Variants in CHGB observed in about 807,000 individuals in gnomAD.
The protein encoded by CHGB is chromogranin B.
Under a neutral mutation model 69.9 loss-of-function variants are expected in CHGB, and 46 were observed. The observed-to-expected ratio is 0.66, with a 90% CI of 0.52 to 0.84. CHGB has a LOEUF of 0.84. CHGB is among the 40% of genes least tolerant of loss of function. The probability of loss-of-function intolerance (pLI) is 0.00; values close to 1 mark genes in which losing one functional copy is unlikely to be tolerated. For synonymous variants in CHGB, 312 were observed against 298.2 expected (o/e 1.05, Z -0.48); for missense variants, 796 against 822.2 (o/e 0.97, Z 0.39).
chr20:5,918,262 A>G (rs1042367768), intron 3 of CHGB, among the ~76,000 whole-genome samples: 2 of 151,772 alleles, frequency 1.3e-5, no homozygotes, highest in Non-Finnish European at 2.9e-5. Flanking sequence ...GGCGCCTGTA[A>G]TCCCAGCTAC....
Position 5,911,795 on chromosome 20 carries a change from A to G in CHGB, c.49+113A>G, listed in dbSNP as rs924749131. 8 of 1,004,594 alleles carry G rather than the reference A, an allele frequency of 8.0e-6. No individual in the cohort carries two copies. In the South Asian group the frequency reaches 1.6e-4, roughly 20 times the overall value. The allele number at this position is 1,004,594 out of a possible 1,614,324, so 62.2% of individuals were successfully genotyped here. On this transcript the variant is annotated intron_variant, in intron 1 of 4. Transcript: ENST00000378961. The stretch of plus-strand genomic sequence containing the variant: ...CGGGAGAGAGGGAGGGTTGAGGGGA[A>G]GGTTTACCTCTTGCTTCGTTTCTTC...
Position 5,923,434 on chromosome 20 carries a change from C to T in CHGB, c.1290C>T (p.Phe430=), listed in dbSNP as rs267606033. 7 of 1,614,014 alleles carry T rather than the reference C, an allele frequency of 4.3e-6. No homozygotes were observed. The highest frequency in any genetic ancestry group is 1.6e-4 in the Middle Eastern group (1 of 6,084). ...GGGGAGGGGAGCCACGTGCCTATTT[C>T]ATGTCTGACACCAGAGAAGAGAAAA... ...RGRGGEPRAY[F]MSDTREEKRF... The change falls in exon 4 of 5, where the codon TTC becomes TTT. Residue 430 remains phenylalanine (F), a synonymous_variant. Coordinates refer to ENST00000378961, the MANE Select transcript of CHGB (RefSeq NM_001819.3).
At chr20:5,912,997 A>T (rs985940258) in intron 1 of CHGB, among the ~76,000 whole-genome samples, 35 of 152,232 alleles carry the variant, frequency 2.3e-4, no homozygotes, top group African/African-American at 8.4e-4. Flanking sequence ...AAATCAAATG[A>T]ATATTTATAA....
At chr20:5,924,702 A>G (rs1392689309) in intron 4 of CHGB, among the ~76,000 whole-genome samples, 1 of 152,154 alleles carries the variant, frequency 6.6e-6, no homozygotes, top group Non-Finnish European at 1.5e-5. Flanking sequence ...GTGCTTCTCA[A>G]AGTTGAATGT....
intron 3 of CHGB, among the ~76,000 whole-genome samples, chr20:5,921,369 C>T (rs2088512945): frequency 6.6e-6 from 1 of 152,182 alleles, no homozygotes; most frequent in African/African-American, 2.4e-5. Flanking sequence ...TGTCAGTGGC[C>T]TTGGCTTCAG....
At chr20:5,911,759 C>G in intron 1 of CHGB, 77 bp downstream of exon 1, 5 of 1,291,074 alleles carry the variant, frequency 3.9e-6, no homozygotes, top group African/African-American at 1.6e-5. Context: ...CGCAGCCAGG[C>G]TGGCGGATCC....
chr20:5,923,312 C>A lies in CHGB; in HGVS notation c.1168C>A (p.Pro390Thr), dbSNP rs2088528440. 1.2e-6 allele frequency: 2 copies of A among 1,613,454 alleles called. No homozygotes were observed. Among genetic ancestry groups the A allele is most frequent in the African/African-American group, 1.3e-5 (1 of 74,866 alleles). The change falls in exon 4 of 5, where the codon CCC (proline) becomes ACC (threonine). Residue 390 changes from proline to threonine, a missense_variant. By Grantham distance (38) the Pro-to-Thr change is conservative (BLOSUM62 -1). Around this residue, in one of 3 missense-constraint regions of CHGB, gnomAD observed 518 missense variants for 506.3 expected, o/e 1.02. Coordinates refer to ENST00000378961, the MANE Select transcript of CHGB (RefSeq NM_001819.3). ...SWDEEDKRNY[P>T]SLELDKMAHG... ...GGATGAGGAGGACAAGAGAAACTAC[C>A]CCAGCTTAGAGCTTGATAAGATGGC...
chr20:5,918,089 G>C (rs1474328611), intron 3 of CHGB: 2 of 50,784 alleles, frequency 3.9e-5, no homozygotes, highest in Admixed American at 1.9e-4. Flanking sequence ...AGAGACTGCA[G>C]TGAGCCAAGA....
chr20:5,919,235 T>C (rs1475092898), intron 3 of CHGB, among the ~76,000 whole-genome samples: 5 of 152,244 alleles, frequency 3.3e-5, no homozygotes, highest in Non-Finnish European at 5.9e-5. Flanking sequence ...ATAGTAACTC[T>C]AGCCTCTGCT....
intron 3 of CHGB, among the ~76,000 whole-genome samples, chr20:5,920,909 A>G (rs1242737938): frequency 2.0e-5 from 3 of 152,278 alleles, no homozygotes; most frequent in African/African-American, 7.2e-5. Context: ...AGAGAGGTAC[A>G]GAGAGTCCAC....
Position 5,918,162 on chromosome 20 carries a change from A to AAAAAAAACAAAC in CHGB, c.190+1250_190+1251insCAAACAAAAAAA, listed in dbSNP as rs1568550371. On this transcript the variant is annotated intron_variant, in intron 3 of 4. Coordinates refer to ENST00000378961, the MANE Select transcript of CHGB (RefSeq NM_001819.3). ...AAGACTCCATCTAAAAAAAAAAAAA[A>AAAAAAAACAAAC]AAAAAAAAACTCTCATTGCCACCAG... 2.7e-5 allele frequency among the ~76,000 whole-genome samples: 4 copies of AAAAAAAACAAAC among 149,326 alleles called. No homozygotes were observed. The East Asian group carries it at 7.8e-4, about 29-fold the overall frequency.
In CHGB at chr20:5,925,062, C is replaced by A; in HGVS notation, c.*13C>A. On this transcript the variant is annotated 3_prime_UTR_variant, in exon 5 of 5. Coordinates refer to ENST00000378961, the MANE Select transcript of CHGB (RefSeq NM_001819.3). ...CCAAAGGGGCTGACTGTCATTGGAG[C>A]GGTGGGCACTGTTAAGAAGCAGCCA... 1.3e-6 allele frequency: 2 copies of A among 1,588,140 alleles called. No homozygotes were observed. Among genetic ancestry groups the A allele is most frequent in the Non-Finnish European group, 8.6e-7 (1 of 1,158,290 alleles).
chr20:5,913,531 C>T (rs2088457784), intron 1 of CHGB, among the ~76,000 whole-genome samples: 2 of 152,116 alleles, frequency 1.3e-5, no homozygotes, highest in South Asian at 4.1e-4. Context: ...AGCTATTGTG[C>T]ACTCTAAAAA....
Position 5,923,715 on chromosome 20 carries a change from C to G in CHGB, c.1571C>G (p.Pro524Arg). 6.2e-7 allele frequency: 1 copy of G among 1,614,124 alleles called. No individual in the cohort carries two copies. Among genetic ancestry groups the G allele is most frequent in the Non-Finnish European group, 8.5e-7 (1 of 1,180,018 alleles). The stretch of plus-strand genomic sequence containing the variant: ...AAGAGATTAGGGGAACTGTTCAACC[C>G]ATACTACGACCCTCTCCAGTGGAAG... Reference protein sequence around the residue: ...KRKRLGELFNPYYDPLQWKSS... With the variant: ...KRKRLGELFNRYYDPLQWKSS... Residue 524 changes from proline (P) to arginine (R), a missense_variant, in exon 4 of 5, where the codon CCA becomes CGA. Physicochemically the swap from Pro to Arg is moderately radical, Grantham distance 103. Transcript: ENST00000378961.
chr20:5,924,471 G>A (rs2088538144), intron 4 of CHGB, among the ~76,000 whole-genome samples: 1 of 152,184 alleles, frequency 6.6e-6, no homozygotes, highest in African/African-American at 2.4e-5. Flanking sequence ...AACAACTGCT[G>A]TTCTGGTATC....
Position 5,923,544 on chromosome 20 carries a change from T to C in CHGB, c.1400T>C (p.Leu467Pro), listed in dbSNP as rs1012057050. 6.2e-6 allele frequency: 10 copies of C among 1,613,970 alleles called. No individual in the cohort carries two copies. The highest frequency in any genetic ancestry group is 8.5e-6 in the Non-Finnish European group (10 of 1,180,038). ...RRHPQGAWKE[L>P]DRNYLNYGEE... ...CATCCACAAGGTGCGTGGAAAGAGC[T>C]GGACAGAAATTATCTCAACTACGGT... The change falls in exon 4 of 5, where the codon CTG (leucine) becomes CCG (proline). Residue 467 changes from leucine to proline, a missense_variant. Physicochemically the swap from Leu to Pro is moderately conservative, Grantham distance 98 (BLOSUM62 -3). Coordinates refer to ENST00000378961, the MANE Select transcript of CHGB (RefSeq NM_001819.3).
intron 4 of CHGB, among the ~76,000 whole-genome samples, chr20:5,924,310 A>G (rs1221782090): frequency 6.6e-6 from 1 of 152,156 alleles, no homozygotes. Context: ...ACTCGGTTGC[A>G]TTGCTTCTCA....
At chr20:5,917,004 A>G (rs2088479638) in intron 3 of CHGB, 85 bp downstream of exon 3, 1 of 1,236,534 alleles carries the variant, frequency 8.1e-7, no homozygotes, top group Non-Finnish European at 1.2e-6. Context: ...TACTTTATCT[A>G]CAAATGACCT....
rs779861062 is a variant in CHGB at position 5,925,084 on chromosome 20, G to A, written c.*35G>A. ...GAGCGGTGGGCACTGTTAAGAAGCA[G>A]CCATCACATGATCTGTTTTTCACCA... On this transcript the variant is annotated 3_prime_UTR_variant, in exon 5 of 5. Coordinates refer to ENST00000378961, the MANE Select transcript of CHGB (RefSeq NM_001819.3). The A allele has an allele frequency of 1.4e-6, 2 of 1,430,406 alleles. No individual in the cohort carries two copies. Among genetic ancestry groups the A allele is most frequent in the Non-Finnish European group, 2.0e-6 (2 of 1,023,030 alleles). 88.6% of individuals were successfully genotyped at this position (1,430,406 alleles called of 1,614,324 possible).
Sources: allele counts gnomAD v4.1 joint callset (sites outside exome capture counted in the v4.1 genomes callset), GRCh38; gene constraint gnomAD v4.1.1; regional missense constraint gnomAD v4.1.1; transcripts MANE v1.5; gene names NCBI Gene and HGNC (gene_info 2026-07-23, HGNC 2026-07-21).